LRRK1: variants seen among roughly 807,000 people sequenced by gnomAD.
LRRK1 encodes leucine rich repeat kinase 1.
LRRK1 carries 113 observed loss-of-function variants against 209.1 expected under a neutral mutation model. That is an observed-to-expected ratio of 0.54 (90% CI 0.46 to 0.63). The LOEUF (loss-of-function observed/expected upper bound fraction) is 0.63. LRRK1 is among the 30% of genes least tolerant of loss of function. The pLI is 0.00. For synonymous variants in LRRK1, 1,144 were observed against 1,099.7 expected (o/e 1.04, Z -0.80); for missense variants, 2,284 against 2,632.2 (o/e 0.87, Z 2.89).
chr15:101,058,844 C>T (rs543002543), intron 29 of LRRK1, among the ~76,000 whole-genome samples: 29 of 151,114 alleles, frequency 1.9e-4, no homozygotes, highest in Admixed American at 5.3e-4. Flanking sequence ...AACTAGGAGG[C>T]GGTGGCCAGA....
At chr15:100,958,943 G>T (rs1004488621) in intron 2 of LRRK1, among the ~76,000 whole-genome samples, 1 of 152,124 alleles carries the variant, frequency 6.6e-6, no homozygotes, top group South Asian at 2.1e-4. Context: ...TATGACTAAG[G>T]TCTCAGATAC....
At chr15:100,988,283 C>T (rs959705227) in intron 4 of LRRK1, among the ~76,000 whole-genome samples, 3 of 109,016 alleles carry the variant, frequency 2.8e-5, no homozygotes, top group Non-Finnish European at 5.5e-5. Context: ...AATTTTTTAA[C>T]CTTCCCCCTT....
intron 2 of LRRK1, among the ~76,000 whole-genome samples, chr15:100,973,096 G>T (rs376744196): frequency 1.0e-3 from 155 of 152,352 alleles, no homozygotes; most frequent in African/African-American, 3.7e-3. Flanking sequence ...ACCCAGCGAG[G>T]GCTCGGCCTG....
intron 2 of LRRK1, among the ~76,000 whole-genome samples, chr15:100,933,847 A>T (rs1049082258): frequency 4.0e-5 from 6 of 150,558 alleles, no homozygotes; most frequent in Non-Finnish European, 5.9e-5. Context: ...AAAAAAAAAA[A>T]AAAAAAGATT....
intron 21 of LRRK1, among the ~76,000 whole-genome samples, chr15:101,047,381 C>G (rs905263113): frequency 6.6e-6 from 1 of 152,206 alleles, no homozygotes; most frequent in Non-Finnish European, 1.5e-5. Flanking sequence ...TCCTACGTTC[C>G]CATTCCTCTG....
intron 2 of LRRK1, among the ~76,000 whole-genome samples, chr15:100,955,747 A>G (rs574931135): frequency 1.3e-5 from 2 of 152,052 alleles, no homozygotes; most frequent in Admixed American, 6.6e-5. Context: ...TGAGTTCATT[A>G]TATGATTTTT....
chr15:101,048,974 C>T (rs1025926091), intron 22 of LRRK1, among the ~76,000 whole-genome samples: 4 of 152,158 alleles, frequency 2.6e-5, no homozygotes, highest in Non-Finnish European at 4.4e-5. Flanking sequence ...ATTCAGGTCA[C>T]CATGGTGACC....
chr15:100,988,312 A>G (rs1376400304), intron 4 of LRRK1, among the ~76,000 whole-genome samples: 2 of 152,076 alleles, frequency 1.3e-5, no homozygotes, highest in Non-Finnish European at 2.9e-5. Flanking sequence ...CTCCACCATC[A>G]AGTAGTCCCC....
chr15:100,955,732 T>G (rs2042740569), intron 2 of LRRK1, among the ~76,000 whole-genome samples: 1 of 152,254 alleles, frequency 6.6e-6, no homozygotes, highest in South Asian at 2.1e-4. Context: ...TTTTTCTGCA[T>G]TTATTGAGTT....
chr15:100,979,490 ATAAAT>A (rs377129257), intron 3 of LRRK1, among the ~76,000 whole-genome samples: 10 of 152,348 alleles, frequency 6.6e-5, no homozygotes, highest in Admixed American at 5.2e-4. Flanking sequence ...TATGAAAGAA[ATAAAT>A]TAAACTGTCT....
chr15:100,989,997 T>C (rs1249606221), intron 6 of LRRK1, among the ~76,000 whole-genome samples: 2 of 152,168 alleles, frequency 1.3e-5, no homozygotes, highest in African/African-American at 4.8e-5. Context: ...GTGATCACAA[T>C]TGAGAGTGGT....
intron 21 of LRRK1, among the ~76,000 whole-genome samples, chr15:101,046,984 G>A (rs921261994): frequency 2.6e-5 from 4 of 152,160 alleles, no homozygotes; most frequent in Non-Finnish European, 5.9e-5. Flanking sequence ...AGGAACACAC[G>A]TTCTCAGGCC....
chr15:101,052,790 G>A, intron 24 of LRRK1, 132 bp from the exon 25 acceptor site: 1 of 1,081,904 alleles, frequency 9.2e-7, no homozygotes, highest in South Asian at 1.7e-5. Flanking sequence ...CAGGGCCGGG[G>A]TGGCCCAGAT....
In LRRK1 at chr15:101,071,985, C is replaced by A. The variant is rs1173242862; in HGVS notation, c.*3137C>A. 6.6e-6 allele frequency: 1 copy of A among 152,296 alleles called. No individual in the cohort carries two copies. Among genetic ancestry groups the A allele is most frequent in the African/African-American group, 2.4e-5 (1 of 41,448 alleles). The allele number at this position is 152,296 out of a possible 1,614,324, so 9.4% of individuals were successfully genotyped here. A position where few individuals can be genotyped will look rare whatever the true frequency, so the allele number is the denominator to read the frequency against. On this transcript the variant is annotated 3_prime_UTR_variant, in exon 34 of 34. Coordinates refer to ENST00000388948, the MANE Select transcript of LRRK1 (RefSeq NM_024652.6). ...CACTGTGTGGGAGGGACAGGAGAGC[C>A]TGGCGTGGCTGCGGCCTTGAAGGAG...
At chr15:101,055,640 C>T (rs1038220531) in intron 27 of LRRK1, among the ~76,000 whole-genome samples, 2 of 152,166 alleles carry the variant, frequency 1.3e-5, no homozygotes, top group Non-Finnish European at 2.9e-5. Flanking sequence ...CCTTAAGTCC[C>T]GGCCACAGGG....
Position 101,062,717 on chromosome 15 carries a change from CA to C in LRRK1, c.4914+28del, listed in dbSNP as rs1567285455. On this transcript the variant is annotated intron_variant, in intron 31 of 33. Transcript: ENST00000388948. ...TGAGGTCGGGGCAAAGGCAGGTATG[CA>C]GGTCTCTGATGCACTTCCACGCCTA... is the stretch of plus-strand genomic sequence containing the variant. 2.6e-6 allele frequency: 4 copies of C among 1,528,158 alleles called. No individual in the cohort carries two copies. The Admixed American group carries it at 6.7e-5, about 26-fold the overall frequency. 94.7% of individuals were successfully genotyped at this position (1,528,158 alleles called of 1,614,324 possible).
At chr15:100,937,401 C>T (rs1044187003) in intron 2 of LRRK1, among the ~76,000 whole-genome samples, 1 of 151,962 alleles carries the variant, frequency 6.6e-6, no homozygotes, top group African/African-American at 2.4e-5. Flanking sequence ...TCAGAAACCA[C>T]AGTTTTTAGG....
intron 24 of LRRK1, 52 bp downstream of exon 24, chr15:101,052,012 C>T (rs2035482284): frequency 6.3e-7 from 1 of 1,577,294 alleles, no homozygotes; most frequent in African/African-American, 1.3e-5. Flanking sequence ...AGGGGGCGTT[C>T]CTCGCTGTGC....
Position 101,048,616 on chromosome 15 carries a change from G to C in LRRK1, c.3258G>C (p.Trp1086Cys), listed in dbSNP as rs1393239281. 1 of 1,550,358 alleles carries C rather than the reference G, an allele frequency of 6.5e-7. No individual in the cohort carries two copies. Among genetic ancestry groups the C allele is most frequent in the Non-Finnish European group, 8.7e-7 (1 of 1,155,814 alleles). ...FRVKRNQTIYWQEGLLVTFDG... is the reference protein window; with the variant it reads ...FRVKRNQTIYCQEGLLVTFDG... ...TGAAAAGAAATCAGACCATCTATTG[G>C]CAGGAAGGGCTCCTGGTCACTTTTG... is the stretch of plus-strand genomic sequence containing the variant. The change falls in exon 22 of 34, where the codon TGG (tryptophan) becomes TGC (cysteine). Residue 1086 changes from tryptophan (W) to cysteine (C), a missense_variant. By Grantham distance (215) the Trp-to-Cys change is radical. This residue lies in a region of LRRK1 where 780 missense variants were observed against 985.2 expected (regional missense o/e 0.79). Transcript: ENST00000388948.
Sources: gnomAD v4.1 joint callset for allele counts (sites outside exome capture counted in the v4.1 genomes callset) on GRCh38, gnomAD v4.1.1 for gene constraint, gnomAD v4.1.1 regional missense constraint, MANE v1.5 for transcripts, NCBI Gene and HGNC (gene_info 2026-07-23, HGNC 2026-07-21) for gene names.